Variants in SLC24A2 observed in about 807,000 individuals in gnomAD.
The protein encoded by SLC24A2 is sodium/potassium/calcium exchanger 2.
SLC24A2 carries 36 observed loss-of-function variants against 62.0 expected under a neutral mutation model. That is an observed-to-expected ratio of 0.58 (90% CI 0.44 to 0.77). The LOEUF (loss-of-function observed/expected upper bound fraction) is 0.77. Ranked by LOEUF, SLC24A2 falls within the 30% of genes least tolerant of loss-of-function variation. SLC24A2 has a pLI of 0.00. For synonymous variants in SLC24A2, 358 were observed against 294.0 expected, an observed-to-expected ratio of 1.22 and a Z score of -2.23; for missense variants, 846 against 817.9, an observed-to-expected ratio of 1.03 and a Z score of -0.42.
the SLC24A2 span, among the ~76,000 whole-genome samples, chr9:20,208,817 T>C: frequency 6.6e-6 from 1 of 152,212 alleles, no homozygotes; most frequent in South Asian, 2.1e-4. Context: ...CTACTCCTCC[T>C]TAATGGCTGC....
chr9:20,234,797 G>T, the SLC24A2 span, among the ~76,000 whole-genome samples: 1 of 152,180 alleles, frequency 6.6e-6, no homozygotes, highest in Non-Finnish European at 1.5e-5. Context: ...AGGAGGAGAG[G>T]CGCTCTGATT....
chr9:19,783,465 T>C (rs955397111), intron 2 of SLC24A2, among the ~76,000 whole-genome samples: 10 of 152,214 alleles, frequency 6.6e-5, no homozygotes, highest in African/African-American at 1.9e-4. Context: ...TCAGAAGCAT[T>C]AATTTCTGTA....
the SLC24A2 span, among the ~76,000 whole-genome samples, chr9:20,111,018 A>G: frequency 6.6e-6 from 1 of 152,178 alleles, no homozygotes; most frequent in East Asian, 1.9e-4. Flanking sequence ...AATATGGTAG[A>G]TATGTTTAAA....
the SLC24A2 span, among the ~76,000 whole-genome samples, chr9:20,027,397 T>A: frequency 5.9e-5 from 9 of 152,126 alleles, no homozygotes; most frequent in Non-Finnish European, 1.2e-4. Flanking sequence ...ATGAAATCAA[T>A]CTTAGTGTCA....
the SLC24A2 span, among the ~76,000 whole-genome samples, chr9:20,202,428 C>T: frequency 2.0e-5 from 3 of 152,234 alleles, no homozygotes; most frequent in African/African-American, 7.2e-5. Flanking sequence ...GTGCCATTTT[C>T]GACAGGCGCA....
the SLC24A2 span, among the ~76,000 whole-genome samples, chr9:20,110,654 T>G: frequency 6.6e-6 from 1 of 152,144 alleles, no homozygotes; most frequent in South Asian, 2.1e-4. Flanking sequence ...CTAGATCTTC[T>G]CTTTGGTGAA....
intron 9 of SLC24A2, among the ~76,000 whole-genome samples, chr9:19,526,708 C>T (rs904449351): frequency 2.6e-5 from 4 of 152,034 alleles, no homozygotes; most frequent in Admixed American, 2.0e-4. Flanking sequence ...GCTTGCCTTC[C>T]TATTATGGAG....
the SLC24A2 span, among the ~76,000 whole-genome samples, chr9:20,162,312 A>T: frequency 7.2e-5 from 11 of 151,940 alleles, no homozygotes; most frequent in East Asian, 2.1e-3. Context: ...AACTTCATTT[A>T]TATTAGCAAC....
At chr9:20,089,031 C>A in the SLC24A2 span, among the ~76,000 whole-genome samples, 2 of 152,164 alleles carry the variant, frequency 1.3e-5, no homozygotes, top group East Asian at 3.9e-4. Flanking sequence ...GGTGGGTCCC[C>A]CCAGCCTGGG....
the SLC24A2 span, among the ~76,000 whole-genome samples, chr9:20,275,067 G>C: frequency 6.6e-5 from 10 of 151,704 alleles, no homozygotes; most frequent in Non-Finnish European, 1.2e-4. Context: ...AAGATGATGC[G>C]ACCCAGCAGG....
chr9:19,716,414 A>T (rs1210043485), intron 2 of SLC24A2, among the ~76,000 whole-genome samples: 1 of 152,228 alleles, frequency 6.6e-6, no homozygotes, highest in African/African-American at 2.4e-5. Flanking sequence ...TCCCAATGAT[A>T]GATAGAACAG....
intron 2 of SLC24A2, among the ~76,000 whole-genome samples, chr9:19,760,135 A>T (rs746199444): frequency 6.6e-6 from 1 of 152,092 alleles, no homozygotes; most frequent in Non-Finnish European, 1.5e-5. Context: ...CAGCTTCTCC[A>T]AGTCCCACCA....
chr9:19,679,719 T>A lies in SLC24A2; in HGVS notation c.931-57420A>T, dbSNP rs550863064. 2.6e-5 allele frequency among the ~76,000 whole-genome samples: 4 copies of A among 152,290 alleles called. No individual in the cohort carries two copies. In the South Asian group the frequency reaches 8.3e-4, roughly 32 times the overall value. The stretch of plus-strand genomic sequence containing the variant: ...TGCTCCTGGTTCTTGGGCCTTCAGA[T>A]CTGGAATGAATCACACCACTGGCTT... On this transcript the variant is annotated intron_variant, in intron 2 of 10. Transcript: ENST00000341998.
chr9:19,550,757 C>A (rs1184256410), intron 7 of SLC24A2, among the ~76,000 whole-genome samples: 1 of 151,076 alleles, frequency 6.6e-6, no homozygotes, highest in African/African-American at 2.4e-5. Flanking sequence ...AAAGTAACCA[C>A]AGAAACAATT....
chr9:19,852,726 G>A, the SLC24A2 span, among the ~76,000 whole-genome samples: 3,847 of 151,960 alleles, frequency 0.025, 72 homozygotes, highest in Middle Eastern at 0.088. Context: ...ACTGTAGCCT[G>A]GTAGTACAAT....
At chr9:20,239,914 GC>G in the SLC24A2 span, among the ~76,000 whole-genome samples, 814 of 149,014 alleles carry the variant, frequency 5.5e-3, 16 homozygotes, top group East Asian at 0.045. Flanking sequence ...ATTCGAACCA[GC>G]TGTGAACTGG....
At position 19,514,152 on chromosome 9, in the gene SLC24A2, C is replaced by A. The variant is rs1832840384; in HGVS notation, c.*2001G>T. 6.6e-6 allele frequency: 1 copy of A among 152,134 alleles called. No homozygotes were observed. Among genetic ancestry groups the A allele is most frequent in the African/African-American group, 2.4e-5 (1 of 41,422 alleles). 9.4% of individuals were successfully genotyped at this position (152,134 alleles called of 1,614,324 possible). A position where few individuals can be genotyped will look rare whatever the true frequency, so the allele number is the denominator to read the frequency against. On this transcript the variant is annotated 3_prime_UTR_variant, in exon 11 of 11. Transcript: ENST00000341998. ...GGGTGAAGAGGAATGATGGGCATTT[C>A]CTGTTATTGCCATGCTCTGTGGGGT...
At chr9:19,927,862 GACCAAACCAA>G in the SLC24A2 span, 1 of 152,246 alleles carries the variant, frequency 6.6e-6, no homozygotes, top group Admixed American at 6.5e-5. Flanking sequence ...CTCAGTAAGG[GACCAAACCAA>G]ACCAAACCAA....
intron 5 of SLC24A2, among the ~76,000 whole-genome samples, chr9:19,595,687 C>T (rs1026901632): frequency 3.3e-5 from 5 of 151,984 alleles, no homozygotes; most frequent in Admixed American, 2.6e-4. Flanking sequence ...ACAACATTTG[C>T]TCAGATGAAT....
Sources: allele counts gnomAD v4.1 joint callset (sites outside exome capture counted in the v4.1 genomes callset), GRCh38; gene constraint gnomAD v4.1.1; transcripts MANE v1.5; gene names NCBI Gene and HGNC (gene_info 2026-07-23, HGNC 2026-07-21).